RPP30: variants seen among roughly 807,000 people sequenced by gnomAD.
The protein encoded by RPP30 is ribonuclease P protein subunit p30.
RPP30 carries 36 observed loss-of-function variants against 38.6 expected under a neutral mutation model. The observed-to-expected ratio is 0.93, with a 90% CI of 0.71 to 1.23. The LOEUF (loss-of-function observed/expected upper bound fraction) is 1.23. Among genes scored for constraint, RPP30 ranks in the 50% most tolerant of loss-of-function variants. The pLI, the probability that RPP30 is intolerant of heterozygous loss-of-function variation, is 0.00. For synonymous variants in RPP30, 126 were observed against 112.7 expected, an observed-to-expected ratio of 1.12 and a Z score of -0.75; for missense variants, 321 against 321.7, an observed-to-expected ratio of 1.00 and a Z score of 0.02.
At chr10:90,907,971 G>C (rs1847270890), downstream of RPP30, among the ~76,000 whole-genome samples, 1 of 152,160 alleles carries the variant, frequency 6.6e-6, no homozygotes, top group African/African-American at 2.4e-5. Context: ...TAAACACCTA[G>C]GCTATATGAG....
chr10:90,875,555 T>C lies in RPP30; in HGVS notation c.139-3T>C, dbSNP rs1375399888. The C allele has an allele frequency of 6.2e-7, 1 of 1,612,518 alleles. No individual in the cohort carries two copies. Among genetic ancestry groups the C allele is most frequent in the South Asian group, 1.1e-5 (1 of 91,022 alleles). On this transcript the variant is annotated splice_region_variant and splice_polypyrimidine_tract_variant and intron_variant, in intron 2 of 10. Coordinates refer to ENST00000371703, the MANE Select transcript of RPP30 (RefSeq NM_006413.5). ...TGCAGTAACTATTTATCGTTTGTTG[T>C]AGGAAATTGAAAAACCAGTAGCTGT...
In RPP30 at chr10:90,900,557, G is replaced by A. The variant is rs1847188116; in HGVS notation, c.698-13G>A. ...TAACTTCAAGCACAGTGGTTTCCCT[G>A]TTTGTTTTACAGAAACTAGAAAAAC... On this transcript the variant is annotated splice_polypyrimidine_tract_variant and intron_variant, in intron 10 of 10. Coordinates refer to ENST00000371703, the MANE Select transcript of RPP30 (RefSeq NM_006413.5). 1 of 1,606,584 alleles carries A rather than the reference G, an allele frequency of 6.2e-7. No homozygotes were observed. The highest frequency in any genetic ancestry group is 1.3e-5 in the African/African-American group (1 of 74,650).
Position 90,875,640 on chromosome 10 carries a change from A to G in RPP30, c.195+26A>G, listed in dbSNP as rs372621051. The G allele has an allele frequency of 5.0e-6, 8 of 1,586,652 alleles. No homozygotes were observed. In the African/African-American group the frequency reaches 1.1e-4, roughly 21 times the overall value. On this transcript the variant is annotated intron_variant, in intron 3 of 10. Coordinates refer to ENST00000371703, the MANE Select transcript of RPP30 (RefSeq NM_006413.5). ...GTAGGTGTTTTGTTGTTTACGAAGC[A>G]TAATATCTATTTATTCAGTTAAAAG...
intron 10 of RPP30, among the ~76,000 whole-genome samples, chr10:90,900,091 G>A (rs1324631142): frequency 6.6e-6 from 1 of 152,200 alleles, no homozygotes; most frequent in African/African-American, 2.4e-5. Context: ...CCAGGCCATT[G>A]TTGAGTGTTG....
At chr10:90,879,740 G>A (rs529790347) in intron 5 of RPP30, among the ~76,000 whole-genome samples, 6 of 152,294 alleles carry the variant, frequency 3.9e-5, no homozygotes, top group Non-Finnish European at 5.9e-5. Context: ...AGAAGGGAAA[G>A]GAGCTTAACG....
intron 5 of RPP30, among the ~76,000 whole-genome samples, chr10:90,879,539 CT>C (rs911601726): frequency 6.6e-6 from 1 of 152,136 alleles, no homozygotes; most frequent in African/African-American, 2.4e-5. Flanking sequence ...AAGTTTCTAC[CT>C]CTGTTTCGGC....
intron 6 of RPP30, among the ~76,000 whole-genome samples, chr10:90,889,940 C>G (rs1319257517): frequency 6.6e-6 from 1 of 152,178 alleles, no homozygotes; most frequent in Non-Finnish European, 1.5e-5. Flanking sequence ...AAATTGGATT[C>G]CACTCCTTTT....
intron 6 of RPP30, among the ~76,000 whole-genome samples, chr10:90,886,330 G>A (rs773610588): frequency 3.3e-5 from 5 of 152,174 alleles, no homozygotes; most frequent in Non-Finnish European, 7.4e-5. Flanking sequence ...CGTGGTCTAT[G>A]CAAAATTAAA....
At chr10:90,893,578 C>G (rs1001194148) in intron 6 of RPP30, among the ~76,000 whole-genome samples, 17 of 152,266 alleles carry the variant, frequency 1.1e-4, no homozygotes, top group African/African-American at 3.8e-4. Context: ...ACAGTTGGCC[C>G]TTCCCATCCT....
intron 7 of RPP30, 126 bp from the exon 8 acceptor site, chr10:90,895,328 C>A: frequency 1.7e-6 from 1 of 580,478 alleles, no homozygotes; most frequent in Non-Finnish European, 3.0e-6. Flanking sequence ...AATTATTTAC[C>A]TTATCTTTAA....
intron 6 of RPP30, among the ~76,000 whole-genome samples, chr10:90,891,344 G>A (rs1461994324): frequency 6.6e-6 from 1 of 152,114 alleles, no homozygotes; most frequent in Non-Finnish European, 1.5e-5. Flanking sequence ...GTCTTCACAT[G>A]GCCATCGTCT....
At position 90,878,950 on chromosome 10, in the gene RPP30, C is replaced by CGGT. The variant is rs1564710928; in HGVS notation, c.271-113_271-112insGGT. ...AACATACAAAGCAAAGCAGAAATGT[C>CGGT]AGTATATTAGAAGTGTTCCATGATT... On this transcript the variant is annotated intron_variant, in intron 4 of 10. Transcript: ENST00000371703. The CGGT allele has an allele frequency of 1.1e-5, 9 of 795,348 alleles. No homozygotes were observed. In the East Asian group the frequency reaches 2.3e-4, roughly 20 times the overall value. 49.3% of individuals were successfully genotyped at this position (795,348 alleles called of 1,614,324 possible). A position where few individuals can be genotyped will look rare whatever the true frequency, so the allele number is the denominator to read the frequency against.
chr10:90,872,221 G>C lies in RPP30; in HGVS notation c.82+153G>C, dbSNP rs964234530. 11 of 660,498 alleles carry C rather than the reference G, an allele frequency of 1.7e-5. No homozygotes were observed. The Admixed American group carries it at 2.7e-4, about 16-fold the overall frequency. The allele number at this position is 660,498 out of a possible 1,614,324, so 40.9% of individuals were successfully genotyped here. ...CTGATGCCCGCCGAGGTGTTGGTCTGATTCCTAGCGCGGGAAACTCGAAGG... is the reference window on the plus strand; with the variant it reads ...CTGATGCCCGCCGAGGTGTTGGTCTCATTCCTAGCGCGGGAAACTCGAAGG... On this transcript the variant is annotated intron_variant, in intron 1 of 10. Coordinates refer to ENST00000371703, the MANE Select transcript of RPP30 (RefSeq NM_006413.5).
chr10:90,905,672 A>T (rs1219172698), downstream of RPP30: 1 of 152,178 alleles, frequency 6.6e-6, no homozygotes, highest in Admixed American at 6.5e-5. Flanking sequence ...GAACTTTCCT[A>T]GTCATTTAGG....
Position 90,896,210 on chromosome 10 carries a change from T to G in RPP30, c.618-103T>G, listed in dbSNP as rs529564823. The stretch of plus-strand genomic sequence containing the variant: ...GACTAAGAACTGCTGTTGAATTAAT[T>G]AGCCTCTCAAGATGACCAGGTTAGC... On this transcript the variant is annotated intron_variant, in intron 9 of 10. Coordinates refer to ENST00000371703, the MANE Select transcript of RPP30 (RefSeq NM_006413.5). The G allele has an allele frequency of 8.4e-6, 8 of 954,036 alleles. No homozygotes were observed. The Admixed American group carries it at 1.1e-4, about 13-fold the overall frequency. 59.1% of individuals were successfully genotyped at this position (954,036 alleles called of 1,614,324 possible). A position where few individuals can be genotyped will look rare whatever the true frequency, so the allele number is the denominator to read the frequency against.
chr10:90,875,642 A>T, intron 3 of RPP30, 28 bp downstream of exon 3: 2 of 1,583,502 alleles, frequency 1.3e-6, no homozygotes, highest in Non-Finnish European at 1.7e-6. Context: ...TACGAAGCAT[A>T]ATATCTATTT....
chr10:90,872,089 G>A (rs1589491647), intron 1 of RPP30, 21 bp downstream of exon 1: 1 of 1,608,174 alleles, frequency 6.2e-7, no homozygotes, highest in Non-Finnish European at 8.5e-7. Flanking sequence ...CCGGCTTCGC[G>A]CCTGGCCAAC....
At chr10:90,890,426 C>T (rs1847065988) in intron 6 of RPP30, among the ~76,000 whole-genome samples, 1 of 152,110 alleles carries the variant, frequency 6.6e-6, no homozygotes, top group Non-Finnish European at 1.5e-5. Context: ...GTTTTACACT[C>T]TCTCTGATGT....
At chr10:90,904,650 T>A (rs898313029), downstream of RPP30, among the ~76,000 whole-genome samples, 1 of 152,014 alleles carries the variant, frequency 6.6e-6, no homozygotes, top group Non-Finnish European at 1.5e-5. Context: ...CCGTCTCTAC[T>A]AAAAATACAA....
Sources: allele counts gnomAD v4.1 joint callset (sites outside exome capture counted in the v4.1 genomes callset), GRCh38; gene constraint gnomAD v4.1.1; transcripts MANE v1.5; gene names NCBI Gene and HGNC (gene_info 2026-07-23, HGNC 2026-07-21).